The following NXPE4 variants were observed in gnomAD, a reference collection of about 807,000 sequenced individuals.
NXPE4 encodes NXPE family member 4.
A neutral mutation model predicts 33.3 loss-of-function variants in NXPE4; 42 were observed. The observed-to-expected ratio is 1.26, with a 90% CI of 0.98 to 1.63. NXPE4 has a LOEUF of 1.63. NXPE4 is among the 40% of genes most tolerant of loss of function. The pLI, the probability that NXPE4 is intolerant of heterozygous loss-of-function variation, is 0.00. For synonymous variants in NXPE4, 253 were observed against 234.9 expected, an observed-to-expected ratio of 1.08 and a Z score of -0.71; for missense variants, 709 against 647.6, an observed-to-expected ratio of 1.09 and a Z score of -1.03.
chr11:114,638,560 G>A, the NXPE4 span, among the ~76,000 whole-genome samples: 60 of 151,912 alleles, frequency 3.9e-4, no homozygotes, highest in South Asian at 2.5e-3. Flanking sequence ...AGAGTTTCCC[G>A]TTTTTCTGCT....
chr11:114,579,780 G>T (rs1949093289), intron 5 of NXPE4, among the ~76,000 whole-genome samples: 1 of 152,170 alleles, frequency 6.6e-6, no homozygotes, highest in Admixed American at 6.5e-5. Flanking sequence ...CAGGTTGTCT[G>T]GTTCTAGAAT....
At chr11:114,627,116 C>A in the NXPE4 span, among the ~76,000 whole-genome samples, 5 of 152,156 alleles carry the variant, frequency 3.3e-5, no homozygotes, top group South Asian at 1.0e-3. Context: ...TCCAGGAGAA[C>A]TTCCCCAATC....
the NXPE4 span, among the ~76,000 whole-genome samples, chr11:114,606,470 G>T: frequency 1.3e-5 from 2 of 150,582 alleles, no homozygotes; most frequent in East Asian, 4.0e-4. Flanking sequence ...TTGCCTCTAG[G>T]GTAACCACTG....
At chr11:114,675,288 A>C in the NXPE4 span, among the ~76,000 whole-genome samples, 1 of 151,956 alleles carries the variant, frequency 6.6e-6, no homozygotes, top group South Asian at 2.1e-4. Context: ...AATTCAACAT[A>C]GTACTGGAAG....
chr11:114,622,364 T>C, the NXPE4 span, among the ~76,000 whole-genome samples: 2 of 152,266 alleles, frequency 1.3e-5, no homozygotes, highest in African/African-American at 4.8e-5. Flanking sequence ...GGGTAACCAC[T>C]GTTACCAAGT....
the NXPE4 span, among the ~76,000 whole-genome samples, chr11:114,628,738 T>C: frequency 1.3e-5 from 2 of 150,882 alleles, no homozygotes; most frequent in Admixed American, 1.3e-4. Context: ...CAGGAGCTGG[T>C]TTTTTGAAAG....
chr11:114,598,195 C>T (rs902029492), upstream of NXPE4, among the ~76,000 whole-genome samples: 2 of 119,010 alleles, frequency 1.7e-5, no homozygotes, highest in Non-Finnish European at 3.6e-5. Flanking sequence ...TTCAGAGCTC[C>T]AAAATAATCT....
chr11:114,632,980 A>T, the NXPE4 span, among the ~76,000 whole-genome samples: 1 of 103,958 alleles, frequency 9.6e-6, no homozygotes, highest in East Asian at 2.5e-4. Context: ...TATATATTAT[A>T]TATTTTTATA....
the NXPE4 span, among the ~76,000 whole-genome samples, chr11:114,642,779 A>G: frequency 2.0e-5 from 3 of 152,102 alleles, 1 homozygote; most frequent in Non-Finnish European, 4.4e-5. Context: ...GTATATACCC[A>G]GTACTGGGCT....
chr11:114,598,352 C>A (rs562223521), upstream of NXPE4, among the ~76,000 whole-genome samples: 6 of 73,368 alleles, frequency 8.2e-5, no homozygotes, highest in African/African-American at 1.7e-4. Flanking sequence ...ATCTACCATT[C>A]TGGGGTCTGG....
the NXPE4 span, among the ~76,000 whole-genome samples, chr11:114,626,868 G>T: frequency 1.3e-5 from 2 of 152,142 alleles, no homozygotes; most frequent in Non-Finnish European, 2.9e-5. Flanking sequence ...ACTACGTGAA[G>T]AATGCAGAAG....
the NXPE4 span, among the ~76,000 whole-genome samples, chr11:114,634,778 A>G: frequency 6.6e-6 from 1 of 151,902 alleles, no homozygotes; most frequent in African/African-American, 2.4e-5. Context: ...AGTTGTAGAT[A>G]TGTGGCATTA....
Position 114,580,028 on chromosome 11 carries a change from A to G in NXPE4, c.1099+104T>C, listed in dbSNP as rs771053765. The G allele has an allele frequency of 7.9e-6, 8 of 1,010,924 alleles. No individual in the cohort carries two copies. In the East Asian group the frequency reaches 1.7e-4, roughly 21 times the overall value. The allele number at this position is 1,010,924 out of a possible 1,614,324, so 62.6% of individuals were successfully genotyped here. A position where few individuals can be genotyped will look rare whatever the true frequency, so the allele number is the denominator to read the frequency against. ...GAAAAATTTTGGTGTGTTGTGATTG[A>G]AGAATATGAAAAAAAGAGGAATTTC... On this transcript the variant is annotated intron_variant, in intron 5 of 5. Transcript: ENST00000375478.
At position 114,574,850 on chromosome 11, in the gene NXPE4, A is replaced by G. The variant is rs190903488; in HGVS notation, c.1100-3377T>C. On this transcript the variant is annotated intron_variant, in intron 5 of 5. Transcript: ENST00000375478. ...CCCTAAATAATTCTATAAAGCCAGT[A>G]TCATCCTAATACCTCAACCAGGGAA... is the stretch of plus-strand genomic sequence containing the variant. 9.9e-5 allele frequency among the ~76,000 whole-genome samples: 15 copies of G among 152,272 alleles called. No individual in the cohort carries two copies. The East Asian group carries it at 2.9e-3, about 29-fold the overall frequency.
At chr11:114,643,484 G>T in the NXPE4 span, among the ~76,000 whole-genome samples, 3 of 152,042 alleles carry the variant, frequency 2.0e-5, no homozygotes, top group Non-Finnish European at 4.4e-5. Flanking sequence ...TGGCTAGGCA[G>T]TTTTCCCAAC....
chr11:114,596,132 G>A (rs1041648814), upstream of NXPE4, among the ~76,000 whole-genome samples: 11 of 152,152 alleles, frequency 7.2e-5, no homozygotes, highest in African/African-American at 2.7e-4. Context: ...CCAGTTGGCA[G>A]GATTCAAGTG....
At chr11:114,630,800 C>G in the NXPE4 span, among the ~76,000 whole-genome samples, 2 of 151,862 alleles carry the variant, frequency 1.3e-5, no homozygotes, top group African/African-American at 4.8e-5. Flanking sequence ...TATCCAGAAT[C>G]TACAATGAAC....
chr11:114,591,289 T>G (rs1949446816), intron 2 of NXPE4, among the ~76,000 whole-genome samples: 1 of 152,212 alleles, frequency 6.6e-6, no homozygotes, highest in Non-Finnish European at 1.5e-5. Flanking sequence ...GTATGCTTTC[T>G]TAATTCTCCA....
the NXPE4 span, among the ~76,000 whole-genome samples, chr11:114,655,832 C>T: frequency 6.6e-6 from 1 of 152,160 alleles, no homozygotes; most frequent in Admixed American, 6.6e-5. Flanking sequence ...GACAAACCCA[C>T]AGCCAATACT....
Sources: gnomAD v4.1 joint callset for allele counts (sites outside exome capture counted in the v4.1 genomes callset) on GRCh38, gnomAD v4.1.1 for gene constraint, MANE v1.5 for transcripts, NCBI Gene and HGNC (gene_info 2026-07-23, HGNC 2026-07-21) for gene names.